The following GNB1 variants were observed in gnomAD, a reference collection of about 807,000 sequenced individuals.
GNB1 encodes the protein G protein subunit beta 1.
Under a neutral mutation model 42.9 loss-of-function variants are expected in GNB1, and 2 were observed. The observed-to-expected ratio is 0.05, with a 90% CI of 0.02 to 0.15. The LOEUF is 0.15. Among genes scored for constraint, GNB1 ranks in the 10% least tolerant of loss-of-function variants. The pLI is 1.00. For synonymous variants in GNB1, 183 were observed against 174.7 expected (o/e 1.05, Z -0.38); for missense variants, 193 against 462.2 (o/e 0.42, Z 5.34).
At chr1:1,843,108 C>CATA (rs776461051) in intron 1 of GNB1, among the ~76,000 whole-genome samples, 2 of 152,220 alleles carry the variant, frequency 1.3e-5, no homozygotes, top group Non-Finnish European at 2.9e-5. Context: ...TCAACTGTCA[C>CATA]AATTATCTCA....
chr1:1,877,459 GATTTTT>G (rs1649613077), intron 1 of GNB1, among the ~76,000 whole-genome samples: 1 of 151,600 alleles, frequency 6.6e-6, no homozygotes, highest in African/African-American at 2.4e-5. Context: ...AGAGATTATA[GATTTTT>G]GCTGTATGTT....
chr1:1,814,850 C>T (rs1410631616), intron 5 of GNB1, among the ~76,000 whole-genome samples: 1 of 148,996 alleles, frequency 6.7e-6, no homozygotes, highest in East Asian at 2.0e-4. Flanking sequence ...TAGTGGCTCA[C>T]GCCTGTAATC....
intron 7 of GNB1, among the ~76,000 whole-genome samples, chr1:1,800,783 TA>T (rs903265635): frequency 2.1e-5 from 3 of 143,846 alleles, no homozygotes; most frequent in African/African-American, 5.2e-5. Context: ...AAAAATAAAT[TA>T]AAAAAAGAGT....
intron 1 of GNB1, among the ~76,000 whole-genome samples, chr1:1,858,558 T>G (rs971325718): frequency 4.6e-5 from 7 of 152,194 alleles, no homozygotes; most frequent in Admixed American, 4.6e-4. Context: ...TTCCAGAGGG[T>G]GGGTCCCCTT....
intron 7 of GNB1, among the ~76,000 whole-genome samples, chr1:1,798,910 A>G (rs997634411): frequency 6.8e-6 from 1 of 146,402 alleles, no homozygotes; most frequent in Non-Finnish European, 1.5e-5. Context: ...TATGTCACCC[A>G]GACTCACAAA....
intron 10 of GNB1, 169 bp downstream of exon 10, chr1:1,788,884 T>C: frequency 1.7e-6 from 1 of 594,088 alleles, no homozygotes; most frequent in South Asian, 1.9e-5. Flanking sequence ...GGAGTCCACT[T>C]GCCTGGAGGG....
intron 7 of GNB1, among the ~76,000 whole-genome samples, chr1:1,795,494 G>C (rs984464872): frequency 6.6e-6 from 1 of 152,122 alleles, no homozygotes; most frequent in Non-Finnish European, 1.5e-5. Context: ...GGCTGGACGC[G>C]GTGGCTCATG....
In GNB1 at chr1:1,790,876, G is replaced by A. The variant is rs950397823; in HGVS notation, c.498-280C>T. ...CAAATGCCAGCAAACAGGGAGCTGG[G>A]GGCACTTTTCAAGCAGCACCACTGA... On this transcript the variant is annotated intron_variant, in intron 8 of 11. Coordinates refer to ENST00000378609, the MANE Select transcript of GNB1 (RefSeq NM_002074.5). This position sits in a 1 kb window ranked among gnomAD's most constrained non-coding sequence, Gnocchi z 5.4. Among the ~76,000 whole-genome samples, 1 of 152,156 alleles carries A rather than the reference G, an allele frequency of 6.6e-6. No homozygotes were observed. The highest frequency in any genetic ancestry group is 1.5e-5 in the Non-Finnish European group (1 of 68,026).
intron 8 of GNB1, among the ~76,000 whole-genome samples, chr1:1,791,319 G>A (rs1646478584): frequency 6.6e-6 from 1 of 152,056 alleles, no homozygotes; most frequent in Admixed American, 6.6e-5. Context: ...TTACAGGCAT[G>A]CGCCACCATG....
intron 1 of GNB1, among the ~76,000 whole-genome samples, chr1:1,855,212 T>G (rs1422077195): frequency 6.8e-6 from 1 of 147,606 alleles, no homozygotes; most frequent in African/African-American, 2.5e-5. Flanking sequence ...TCCCAGTTAC[T>G]TGGGAGGCTG....
At chr1:1,801,855 C>T (rs1469556117) in intron 7 of GNB1, among the ~76,000 whole-genome samples, 1 of 152,172 alleles carries the variant, frequency 6.6e-6, no homozygotes, top group Non-Finnish European at 1.5e-5. Flanking sequence ...GATGCGAGGT[C>T]TGTAACAGAC....
rs757261306 is a variant in GNB1 at position 1,815,800 on chromosome 1, C to A, written c.159G>T (p.Gly53=). 5.6e-6 allele frequency: 9 copies of A among 1,609,996 alleles called. No homozygotes were observed. The South Asian group carries it at 6.6e-5, about 12-fold the overall frequency. The change falls in exon 5 of 12, where the codon GGG becomes GGT. Residue 53 remains glycine (G), a synonymous_variant. Coordinates refer to ENST00000378609, the MANE Select transcript of GNB1 (RefSeq NM_002074.5). ...GCATGGCGTAGATCTTGGCCAGGTG[C>A]CCCCGCAGTGTCCTCCTCGTGCGCA... ...IQMRTRRTLR[G]HLAKIYAMHW...
At chr1:1,878,657 G>A (rs957804359) in intron 1 of GNB1, among the ~76,000 whole-genome samples, 19 of 152,160 alleles carry the variant, frequency 1.2e-4, no homozygotes, top group African/African-American at 4.6e-4. Flanking sequence ...AAGGCAAGTT[G>A]GCATCTCTTA....
At position 1,830,890 on chromosome 1, in the gene GNB1, G is replaced by A. The variant is rs1647066738; in HGVS notation, c.-46-5391C>T. ...TTAAAGTTACCTGATGCAGCCAGGT[G>A]CAATGGCTCAAGCCTATAATCCCAG... On this transcript the variant is annotated intron_variant, in intron 2 of 11. Coordinates refer to ENST00000378609, the MANE Select transcript of GNB1 (RefSeq NM_002074.5). 3.3e-5 allele frequency among the ~76,000 whole-genome samples: 5 copies of A among 152,168 alleles called. No homozygotes were observed. The South Asian group carries it at 1.0e-3, about 31-fold the overall frequency.
intron 1 of GNB1, among the ~76,000 whole-genome samples, chr1:1,868,741 C>T (rs780140538): frequency 6.6e-6 from 1 of 151,808 alleles, no homozygotes; most frequent in Non-Finnish European, 1.5e-5. Context: ...GATTGTGCAA[C>T]TGCACTCCAG....
chr1:1,825,137 G>T (rs1646980130), intron 3 of GNB1: 1 of 369,792 alleles, frequency 2.7e-6, no homozygotes, highest in African/African-American at 2.1e-5. Context: ...TTATGATAAA[G>T]AATGCAAAAG....
rs575420503 is a variant in GNB1 at position 1,825,503 on chromosome 1, A to C, written c.-46-4T>G. 5 of 1,261,280 alleles carry C rather than the reference A, an allele frequency of 4.0e-6. No homozygotes were observed. In the South Asian group the frequency reaches 6.0e-5, roughly 15 times the overall value. 78.1% of individuals were successfully genotyped at this position (1,261,280 alleles called of 1,614,324 possible). ...GCCACCTTCAAGAATGTGAGATCTG[A>C]AACAGAAAGACAAGCACAATCAATA... On this transcript the variant is annotated splice_region_variant and splice_polypyrimidine_tract_variant and intron_variant, in intron 2 of 11. Transcript: ENST00000378609.
chr1:1,833,101 G>A (rs192398026), intron 2 of GNB1, among the ~76,000 whole-genome samples: 13 of 152,168 alleles, frequency 8.5e-5, no homozygotes, highest in East Asian at 7.7e-4. Flanking sequence ...CCAGCTAGCC[G>A]CACACCCCTG....
intron 1 of GNB1, among the ~76,000 whole-genome samples, chr1:1,887,131 T>A (rs1650200315): frequency 6.6e-6 from 1 of 152,206 alleles, no homozygotes; most frequent in Non-Finnish European, 1.5e-5. Flanking sequence ...AAATTGAGAA[T>A]ATCTATTACC....
Sources: gnomAD v4.1 joint callset for allele counts (sites outside exome capture counted in the v4.1 genomes callset) on GRCh38, gnomAD v4.1.1 for gene constraint, Gnocchi (gnomAD v3.1) non-coding constraint, MANE v1.5 for transcripts, NCBI Gene and HGNC (gene_info 2026-07-23, HGNC 2026-07-21) for gene names.